Variants in SEC61A2 observed in about 807,000 individuals in gnomAD.
SEC61A2 encodes the protein protein transport protein Sec61 subunit alpha isoform 2.
Under a neutral mutation model 59.9 loss-of-function variants are expected in SEC61A2, and 28 were observed. The observed-to-expected ratio is 0.47, with a 90% confidence interval of 0.35 to 0.64. The LOEUF is 0.64. Ranked by LOEUF, SEC61A2 falls within the 30% of genes least tolerant of loss-of-function variation. SEC61A2 has a pLI of 0.01. For missense variants in SEC61A2, 340 were observed against 585.9 expected, an observed-to-expected ratio of 0.58 and a Z score of 4.33; for synonymous variants, 202 against 214.4, an observed-to-expected ratio of 0.94 and a Z score of 0.50.
chr10:12,134,966 AG>A (rs1833852775), intron 2 of SEC61A2, among the ~76,000 whole-genome samples: 1 of 152,022 alleles, frequency 6.6e-6, no homozygotes, highest in African/African-American at 2.4e-5. Flanking sequence ...TACTTCAAAA[AG>A]GGGCATTTAA....
chr10:12,161,236 T>C lies in SEC61A2; in HGVS notation c.1167+115T>C. ...CTGGATCGCTTCACCTCAGGAGTTTTGAGACCAGCCTGGGCAACATAGCGA... is the reference window on the plus strand; with the variant it reads ...CTGGATCGCTTCACCTCAGGAGTTTCGAGACCAGCCTGGGCAACATAGCGA... On this transcript the variant is annotated intron_variant, in intron 10 of 11. Coordinates refer to ENST00000298428, the MANE Select transcript of SEC61A2 (RefSeq NM_018144.4). This position sits in a 1 kb window ranked among gnomAD's most constrained non-coding sequence, Gnocchi z 5.4. 1 of 777,036 alleles carries C rather than the reference T, an allele frequency of 1.3e-6. No individual in the cohort carries two copies. The highest frequency in any genetic ancestry group is 2.0e-6 in the Non-Finnish European group (1 of 495,860). The allele number at this position is 777,036 out of a possible 1,614,324, so 48.1% of individuals were successfully genotyped here. A position where few individuals can be genotyped will look rare whatever the true frequency, so the allele number is the denominator to read the frequency against.
At chr10:12,141,190 G>A (rs1167052010) in intron 3 of SEC61A2, among the ~76,000 whole-genome samples, 2 of 152,190 alleles carry the variant, frequency 1.3e-5, no homozygotes, top group Non-Finnish European at 1.5e-5. Context: ...CTGAGCCATC[G>A]TGCCTGGCCC....
intron 6 of SEC61A2, among the ~76,000 whole-genome samples, chr10:12,151,404 T>C (rs1331275919): frequency 6.7e-6 from 1 of 150,144 alleles, no homozygotes; most frequent in African/African-American, 2.5e-5. Flanking sequence ...CTCCCCTTCC[T>C]GGTTTCAAGC....
chr10:12,167,937 G>GT (rs71513318), downstream of SEC61A2: 75 of 1,436,738 alleles, frequency 5.2e-5, no homozygotes, highest in South Asian at 4.7e-4. Context: ...TGGTGATAAC[G>GT]TTTTTTTTGG....
rs185113567 is a variant in SEC61A2, at chr10:12,152,364, G to C, written c.462+2403G>C. 4.1e-4 allele frequency among the ~76,000 whole-genome samples: 62 copies of C among 151,200 alleles called. 1 individual carries two copies. In the East Asian group the frequency reaches 0.012, roughly 29 times the overall value. On this transcript the variant is annotated intron_variant, in intron 6 of 11. Transcript: ENST00000298428. The surrounding 1 kb of genome is among the most constrained non-coding windows in gnomAD (Gnocchi z 5.5). ...CAAAATGCTGGGATTACAGGCGTGA[G>C]CCACCACGCCCCGCCCAGGGCAGGA...
At chr10:12,141,189 C>A (rs565604112) in intron 3 of SEC61A2, among the ~76,000 whole-genome samples, 1 of 152,178 alleles carries the variant, frequency 6.6e-6, no homozygotes, top group African/African-American at 2.4e-5. Flanking sequence ...CCTGAGCCAT[C>A]GTGCCTGGCC....
At chr10:12,139,956 G>A (rs1223327523) in intron 3 of SEC61A2, among the ~76,000 whole-genome samples, 6 of 145,470 alleles carry the variant, frequency 4.1e-5, no homozygotes, top group African/African-American at 1.0e-4. Flanking sequence ...GCGACAGAGC[G>A]AGACTCCATC....
intron 3 of SEC61A2, among the ~76,000 whole-genome samples, chr10:12,136,998 T>G (rs1243496784): frequency 6.6e-6 from 1 of 152,212 alleles, no homozygotes; most frequent in African/African-American, 2.4e-5. Flanking sequence ...ACTCCTGACC[T>G]CAGGTGATCT....
At position 12,154,683 on chromosome 10, in the gene SEC61A2, A is replaced by T. The variant is rs1468440246; in HGVS notation, c.463-1095A>T. 8.5e-5 allele frequency among the ~76,000 whole-genome samples: 13 copies of T among 152,218 alleles called. No individual in the cohort carries two copies. The highest frequency in any genetic ancestry group is 4.4e-5 in the Non-Finnish European group (3 of 68,044). ...TTGAAACTCAGACTAAAAGCCTGTA[A>T]ATAGACAAGTTAGGCTCTGTCCAAC... On this transcript the variant is annotated intron_variant, in intron 6 of 11. Transcript: ENST00000298428. This position sits in a 1 kb window ranked among gnomAD's most constrained non-coding sequence, Gnocchi z 5.2.
At position 12,142,249 on chromosome 10, in the gene SEC61A2, A is replaced by G. The variant is rs150892604; in HGVS notation, c.142-868A>G. Among the ~76,000 whole-genome samples the G allele has an allele frequency of 1.0e-3, 157 of 152,310 alleles. No individual in the cohort carries two copies. The highest frequency in any genetic ancestry group is 3.8e-3 in the African/African-American group (156 of 41,570). ...TGAGACCAGGGTTGAGCAGAAGTCA[A>G]CATGGTAGATTAGCATCCAAGATGG... On this transcript the variant is annotated intron_variant, in intron 3 of 11. Coordinates refer to ENST00000298428, the MANE Select transcript of SEC61A2 (RefSeq NM_018144.4). The surrounding 1 kb of genome is among the most constrained non-coding windows in gnomAD (Gnocchi z 5.4).
At chr10:12,130,367 G>A (rs888114842) in intron 1 of SEC61A2, among the ~76,000 whole-genome samples, 11 of 152,114 alleles carry the variant, frequency 7.2e-5, no homozygotes, top group Non-Finnish European at 1.6e-4. Context: ...GGCCCTCCCC[G>A]TAACACTCAA....
At chr10:12,166,643 C>G (rs568929900), downstream of SEC61A2, 15 of 453,804 alleles carry the variant, frequency 3.3e-5, no homozygotes, top group East Asian at 1.0e-3. Context: ...CCCGCTGGAG[C>G]CAGGCTAGAA....
At chr10:12,139,554 G>A (rs1017461381) in intron 3 of SEC61A2, among the ~76,000 whole-genome samples, 1 of 151,962 alleles carries the variant, frequency 6.6e-6, no homozygotes, top group Admixed American at 6.6e-5. Flanking sequence ...GGAGGCCAAC[G>A]CAGGCGGATC....
chr10:12,151,631 C>T lies in SEC61A2; in HGVS notation c.462+1670C>T, dbSNP rs976256159. Among the ~76,000 whole-genome samples the T allele has an allele frequency of 1.1e-4, 17 of 151,720 alleles. No individual in the cohort carries two copies. In the South Asian group the frequency reaches 2.3e-3, roughly 20 times the overall value. On this transcript the variant is annotated intron_variant, in intron 6 of 11. Coordinates refer to ENST00000298428, the MANE Select transcript of SEC61A2 (RefSeq NM_018144.4). ...GGCCAGGTATTTTTTTCTGTCTGTT[C>T]AAAAGATCAAGATCAAGCTGAGAAA...
downstream of SEC61A2, among the ~76,000 whole-genome samples, chr10:12,168,199 A>G (rs1157141543): frequency 6.6e-6 from 1 of 151,874 alleles, no homozygotes; most frequent in Non-Finnish European, 1.5e-5. This position sits in a 1 kb window ranked among gnomAD's most constrained non-coding sequence, Gnocchi z 4.8. Flanking sequence ...TAATTTTTGT[A>G]TTTTTAGTAG....
At position 12,164,579 on chromosome 10, in the gene SEC61A2, C is replaced by G; in HGVS notation, c.*125C>G. The G allele has an allele frequency of 6.8e-7, 1 of 1,469,948 alleles. No homozygotes were observed. Among genetic ancestry groups the G allele is most frequent in the Non-Finnish European group, 9.0e-7 (1 of 1,116,524 alleles). The allele number at this position is 1,469,948 out of a possible 1,614,324, so 91.1% of individuals were successfully genotyped here. On this transcript the variant is annotated 3_prime_UTR_variant, in exon 12 of 12. Transcript: ENST00000298428. This position sits in a 1 kb window ranked among gnomAD's most constrained non-coding sequence, Gnocchi z 7.3. ...TTTCTTGTTTCGAGTGCTGACTGAC[C>G]CGTTTCTGAAATGGGCACCGAGCTA...
chr10:12,154,442 G>A lies in SEC61A2; in HGVS notation c.463-1336G>A, dbSNP rs1834351185. 1.3e-5 allele frequency among the ~76,000 whole-genome samples: 2 copies of A among 152,202 alleles called. No individual in the cohort carries two copies. Among genetic ancestry groups the A allele is most frequent in the Admixed American group, 1.3e-4 (2 of 15,282 alleles). ...GCCCATCACGATGCTTTCTGTGGCT[G>A]ATGTTCATGGACGGCTGTTGCCTCC... is the stretch of plus-strand genomic sequence containing the variant. On this transcript the variant is annotated intron_variant, in intron 6 of 11. Transcript: ENST00000298428. This position sits in a 1 kb window ranked among gnomAD's most constrained non-coding sequence, Gnocchi z 5.2.
rs534851692 is a variant in SEC61A2, at chr10:12,132,849, G to A, written c.8-392G>A. ...AGTACATTTGCTCCCTTTTGACGTC[G>A]TGATGCCCTTTGAACAGCCCCCTTT... On this transcript the variant is annotated intron_variant, in intron 1 of 11. Coordinates refer to ENST00000298428, the MANE Select transcript of SEC61A2 (RefSeq NM_018144.4). Among the ~76,000 whole-genome samples the A allele has an allele frequency of 2.0e-4, 30 of 152,180 alleles. No homozygotes were observed. The South Asian group carries it at 6.2e-3, about 32-fold the overall frequency.
rs1177891273 is a variant in SEC61A2, at chr10:12,155,783, T to C, written c.468T>C (p.Phe156=). The C allele has an allele frequency of 1.9e-6, 3 of 1,614,222 alleles. No individual in the cohort carries two copies. Among genetic ancestry groups the C allele is most frequent in the Non-Finnish European group, 2.5e-6 (3 of 1,180,016 alleles). ...TTGCATTTCTTTCCCCACAGTTGTT[T>C]GTTGCTGGTTTGATTGTGCTGCTGT... ...GICLLIIIQL[F]VAGLIVLLLD... Residue 156 remains phenylalanine, a synonymous_variant, in exon 7 of 12, where the codon TTT becomes TTC. Transcript: ENST00000298428. This position sits in a 1 kb window ranked among gnomAD's most constrained non-coding sequence, Gnocchi z 4.3.
Sources: gnomAD v4.1 joint callset for allele counts (sites outside exome capture counted in the v4.1 genomes callset) on GRCh38, gnomAD v4.1.1 for gene constraint, Gnocchi (gnomAD v3.1) non-coding constraint, MANE v1.5 for transcripts, NCBI Gene and HGNC (gene_info 2026-07-23, HGNC 2026-07-21) for gene names.